TOMM34: variants seen among roughly 807,000 people sequenced by gnomAD.
The protein encoded by TOMM34 is translocase of outer mitochondrial membrane 34.
A neutral mutation model predicts 37.4 loss-of-function variants in TOMM34; 24 were observed. The observed-to-expected ratio is 0.64, with a 90% confidence interval of 0.46 to 0.90. The LOEUF is 0.90. TOMM34 is among the 40% of genes least tolerant of loss of function. The pLI, the probability that TOMM34 is intolerant of heterozygous loss-of-function variation, is 0.00. For synonymous variants in TOMM34, 154 were observed against 148.9 expected (o/e 1.03, Z -0.25); for missense variants, 304 against 375.6 (o/e 0.81, Z 1.58).
chr20:44,952,618 C>T (rs202066542), intron 3 of TOMM34: 125 of 717,484 alleles, frequency 1.7e-4, no homozygotes, highest in Non-Finnish European at 2.7e-4. Flanking sequence ...CTTCCAGGCC[C>T]GGCTAACTCC....
At chr20:44,955,541 T>C in intron 2 of TOMM34, 1 of 483,746 alleles carries the variant, frequency 2.1e-6, no homozygotes, top group Non-Finnish European at 4.1e-6. Flanking sequence ...AGTTGTGGTC[T>C]AGTGGGAATA....
intron 2 of TOMM34, 53 bp from the exon 3 acceptor site, chr20:44,955,273 TC>T: frequency 6.3e-7 from 1 of 1,596,678 alleles, no homozygotes; most frequent in Non-Finnish European, 8.5e-7. Context: ...CACCAGGGTT[TC>T]CCTACAGTTT....
chr20:44,950,975 C>T (rs1036485431), intron 4 of TOMM34, among the ~76,000 whole-genome samples: 2 of 152,142 alleles, frequency 1.3e-5, no homozygotes, highest in Non-Finnish European at 2.9e-5. Flanking sequence ...GCTTGGATCT[C>T]CTTTCTCTTC....
chr20:44,953,189 A>G (rs2067041625), intron 3 of TOMM34, among the ~76,000 whole-genome samples: 1 of 152,092 alleles, frequency 6.6e-6, no homozygotes, highest in Non-Finnish European at 1.5e-5. Flanking sequence ...CTCACCTAAT[A>G]AAACCATACT....
intron 4 of TOMM34, 96 bp from the exon 5 acceptor site, chr20:44,948,973 A>C: frequency 6.9e-7 from 1 of 1,447,060 alleles, no homozygotes; most frequent in Non-Finnish European, 9.2e-7. Context: ...AACTGACTAC[A>C]ATCCTCTCTC....
At chr20:44,943,396 C>T in intron 6 of TOMM34, 57 bp downstream of exon 6, 1 of 1,611,868 alleles carries the variant, frequency 6.2e-7, no homozygotes. Context: ...TAAATGGTGA[C>T]ACTGGCATAA....
At chr20:44,943,624 G>A in intron 5 of TOMM34, 45 bp from the exon 6 acceptor site, 1 of 1,611,630 alleles carries the variant, frequency 6.2e-7, no homozygotes, top group African/African-American at 1.3e-5. Context: ...CGTCTTATGG[G>A]CCACCCACAT....
intron 4 of TOMM34, among the ~76,000 whole-genome samples, 200 bp downstream of exon 4, chr20:44,951,633 G>A (rs2067027017): frequency 6.6e-6 from 1 of 152,188 alleles, no homozygotes; most frequent in Admixed American, 6.5e-5. Flanking sequence ...CCTCATGGTT[G>A]TGAGGAAGAC....
intron 5 of TOMM34, among the ~76,000 whole-genome samples, chr20:44,944,700 CAAA>C (rs1029453890): frequency 2.0e-5 from 3 of 151,830 alleles, no homozygotes; most frequent in Admixed American, 2.0e-4. Context: ...CAAAACAAAA[CAAA>C]AAAAGAAATA....
At chr20:44,952,228 T>C (rs924449861) in intron 3 of TOMM34, among the ~76,000 whole-genome samples, 1 of 152,230 alleles carries the variant, frequency 6.6e-6, no homozygotes, top group Admixed American at 6.5e-5. Context: ...CAAACTATGT[T>C]ACCTTTAAAG....
rs1130894 is a variant in TOMM34 at position 44,951,944 on chromosome 20, T to C, written c.439A>G (p.Ile147Val). The change falls in exon 4 of 7, where the codon ATC (isoleucine) becomes GTC (valine). Residue 147 changes from isoleucine to valine, a missense_variant. By Grantham distance (29) the Ile-to-Val change is conservative (BLOSUM62 3). Coordinates refer to ENST00000372813, the MANE Select transcript of TOMM34 (RefSeq NM_006809.5). ...GPEWRLKLPS[I>V]PLVPVSAQKR... ...TGAGCTGAAACAGGCACCAAGGGGA[T>C]TGAGGGCAGCTTCAGGCGCCACTCA... 31 of 1,613,994 alleles carry C rather than the reference T, an allele frequency of 1.9e-5. No individual in the cohort carries two copies. The East Asian group carries it at 2.0e-4, about 10-fold the overall frequency.
At position 44,960,175 on chromosome 20, in the gene TOMM34, G is replaced by C. The variant is rs1052121054; in HGVS notation, c.127+32C>G. ...GTGGTTGCGGGAGTTGGAGGAGCAGGCCCGGAGGTGAGATGGGGGCCGGGG... is the reference window on the plus strand; with the variant it reads ...GTGGTTGCGGGAGTTGGAGGAGCAGCCCCGGAGGTGAGATGGGGGCCGGGG... On this transcript the variant is annotated intron_variant, in intron 1 of 6. Transcript: ENST00000372813. The C allele has an allele frequency of 5.8e-6, 9 of 1,544,514 alleles. No individual in the cohort carries two copies. In the African/African-American group the frequency reaches 1.1e-4, roughly 19 times the overall value.
intron 3 of TOMM34, among the ~76,000 whole-genome samples, chr20:44,953,415 CCT>C (rs1316640936): frequency 2.6e-4 from 39 of 152,252 alleles, no homozygotes; most frequent in Non-Finnish European, 5.1e-4. Flanking sequence ...ACATCAATGC[CCT>C]GTTTCCTCCC....
chr20:44,943,350 A>G (rs113428944), intron 6 of TOMM34, 103 bp downstream of exon 6: 1 of 1,596,650 alleles, frequency 6.3e-7, no homozygotes, highest in Non-Finnish European at 8.6e-7. Flanking sequence ...TGAGAAGGAA[A>G]AGCTGCAGAT....
intron 4 of TOMM34, 46 bp downstream of exon 4, chr20:44,951,787 G>T: frequency 6.4e-7 from 1 of 1,573,200 alleles, no homozygotes; most frequent in South Asian, 1.2e-5. Flanking sequence ...TAAAGAAAAT[G>T]GATAGTGGGA....
chr20:44,948,648 T>G, intron 5 of TOMM34, 82 bp downstream of exon 5: 1 of 1,537,030 alleles, frequency 6.5e-7, no homozygotes, highest in Non-Finnish European at 8.9e-7. Context: ...ATGCTAGGGA[T>G]GAAGGGCCCA....
rs754076103 is a variant in TOMM34, at chr20:44,952,690, G to T, written c.381-688C>A. 2.5e-5 allele frequency: 18 copies of T among 717,042 alleles called. No homozygotes were observed. The East Asian group carries it at 4.8e-4, about 19-fold the overall frequency. The allele number at this position is 717,042 out of a possible 1,614,324, so 44.4% of individuals were successfully genotyped here. A position where few individuals can be genotyped will look rare whatever the true frequency, so the allele number is the denominator to read the frequency against. On this transcript the variant is annotated intron_variant, in intron 3 of 6. Transcript: ENST00000372813. ...AGAGACCAAGTTCATTCTGTCAACTGATCTCCAGCACCTGGTATGTCACCT... is the reference window on the plus strand; with the variant it reads ...AGAGACCAAGTTCATTCTGTCAACTTATCTCCAGCACCTGGTATGTCACCT...
chr20:44,955,531 A>G lies in TOMM34; in HGVS notation c.228-311T>C, dbSNP rs572043191. ...CTTTCATGCTACTATGTTTTTTTACAGTTGTGGTCTAGTGGGAATAACAAA... is the reference window on the plus strand; with the variant it reads ...CTTTCATGCTACTATGTTTTTTTACGGTTGTGGTCTAGTGGGAATAACAAA... On this transcript the variant is annotated intron_variant, in intron 2 of 6. Transcript: ENST00000372813. 4 of 496,478 alleles carry G rather than the reference A, an allele frequency of 8.1e-6. No individual in the cohort carries two copies. In the East Asian group the frequency reaches 2.3e-4, roughly 28 times the overall value. The allele number at this position is 496,478 out of a possible 1,614,324, so 30.8% of individuals were successfully genotyped here.
chr20:44,947,980 C>CA (rs1772037345), intron 5 of TOMM34, among the ~76,000 whole-genome samples: 2 of 152,200 alleles, frequency 1.3e-5, no homozygotes, highest in African/African-American at 4.8e-5. Flanking sequence ...CTGAATGTTT[C>CA]AAGCTTCTGA....
Sources: allele counts gnomAD v4.1 joint callset (sites outside exome capture counted in the v4.1 genomes callset), GRCh38; gene constraint gnomAD v4.1.1; transcripts MANE v1.5; gene names NCBI Gene and HGNC (gene_info 2026-07-23, HGNC 2026-07-21).